GRIK2: variants seen among roughly 807,000 people sequenced by gnomAD.
GRIK2 encodes glutamate ionotropic receptor kainate type subunit 2.
A neutral mutation model predicts 100.3 loss-of-function variants in GRIK2; 32 were observed. The ratio of observed to expected loss-of-function variants is 0.32; its 90% CI spans 0.24 to 0.43. GRIK2 has a LOEUF of 0.43. GRIK2 is among the 20% of genes least tolerant of loss of function. The probability of loss-of-function intolerance (pLI) is 1.00; values close to 1 mark genes in which losing one functional copy is unlikely to be tolerated. For missense variants in GRIK2, 843 were observed against 1,114.9 expected, an observed-to-expected ratio of 0.76 and a Z score of 3.47; for synonymous variants, 417 against 389.4, an observed-to-expected ratio of 1.07 and a Z score of -0.83.
intron 12 of GRIK2, among the ~76,000 whole-genome samples, chr6:101,906,297 A>G: frequency 6.6e-6 from 1 of 151,344 alleles, no homozygotes; most frequent in Middle Eastern, 3.2e-3. Flanking sequence ...GGGAATTTGA[A>G]GGACTTTTGT....
chr6:101,715,859 C>G (rs1032546770), intron 7 of GRIK2, among the ~76,000 whole-genome samples: 4 of 151,802 alleles, frequency 2.6e-5, no homozygotes, highest in Non-Finnish European at 5.9e-5. Context: ...CAAGTCATCA[C>G]TGACCCTATA....
chr6:101,804,736 A>C (rs1189515853), intron 9 of GRIK2, among the ~76,000 whole-genome samples: 1 of 151,972 alleles, frequency 6.6e-6, no homozygotes, highest in Non-Finnish European at 1.5e-5. Flanking sequence ...GGGTGGAGGT[A>C]AGTTAAAGAG....
chr6:101,981,211 T>A (rs748278128), intron 14 of GRIK2, among the ~76,000 whole-genome samples: 2 of 151,914 alleles, frequency 1.3e-5, no homozygotes, highest in Non-Finnish European at 2.9e-5. Flanking sequence ...TATATTTATC[T>A]TTTTTGGGCA....
intron 7 of GRIK2, among the ~76,000 whole-genome samples, chr6:101,755,864 C>T (rs1326525755): frequency 1.3e-5 from 2 of 152,152 alleles, no homozygotes; most frequent in African/African-American, 4.8e-5. Context: ...TAGTGCATTT[C>T]ATCCTAGGAA....
At chr6:101,740,432 A>AG (rs1775949007) in intron 7 of GRIK2, among the ~76,000 whole-genome samples, 1 of 150,782 alleles carries the variant, frequency 6.6e-6, no homozygotes, top group South Asian at 2.1e-4. Flanking sequence ...TAAAAGGAAA[A>AG]GGGGGAGAGG....
intron 2 of GRIK2, among the ~76,000 whole-genome samples, chr6:101,556,321 A>AATTTTTTTTTTTTTTTTTT (rs1776735831): frequency 1.7e-5 from 1 of 59,396 alleles, no homozygotes; most frequent in Admixed American, 2.1e-4. Context: ...TATATTGGTA[A>AATTTTTTTTTTTTTTTTTT]TTTTTTTTTT....
At chr6:101,762,375 G>A (rs1310898176) in intron 7 of GRIK2, among the ~76,000 whole-genome samples, 1 of 151,754 alleles carries the variant, frequency 6.6e-6, no homozygotes, top group Non-Finnish European at 1.5e-5. Flanking sequence ...TAAAGACAGG[G>A]TCTTGCTATG....
chr6:101,434,040 G>A (rs79961815), intron 2 of GRIK2, among the ~76,000 whole-genome samples: 79 of 152,326 alleles, frequency 5.2e-4, no homozygotes, highest in African/African-American at 1.8e-3. Flanking sequence ...CCGCTGACAC[G>A]GGTATAGATG....
chr6:101,937,813 A>G (rs1187788513), intron 14 of GRIK2, among the ~76,000 whole-genome samples: 2 of 152,122 alleles, frequency 1.3e-5, no homozygotes, highest in Non-Finnish European at 2.9e-5. Context: ...GAGTATCAGC[A>G]AAGACATATT....
chr6:101,492,951 C>T (rs984280247), intron 2 of GRIK2, among the ~76,000 whole-genome samples: 9 of 151,584 alleles, frequency 5.9e-5, no homozygotes, highest in Non-Finnish European at 1.0e-4. Flanking sequence ...AGAAATAAAC[C>T]GGCAGGTTTG....
intron 7 of GRIK2, among the ~76,000 whole-genome samples, chr6:101,769,617 C>T (rs1035087141): frequency 3.9e-5 from 6 of 152,080 alleles, no homozygotes; most frequent in South Asian, 2.1e-4. Context: ...TAAGATTAAA[C>T]AAATTATGAG....
At chr6:101,660,423 C>A (rs1345354296) in intron 4 of GRIK2, among the ~76,000 whole-genome samples, 1 of 152,090 alleles carries the variant, frequency 6.6e-6, no homozygotes, top group Non-Finnish European at 1.5e-5. Context: ...AGAACATGCT[C>A]CTTTAGATCG....
intron 2 of GRIK2, among the ~76,000 whole-genome samples, chr6:101,463,424 C>G (rs978064772): frequency 1.3e-5 from 2 of 151,986 alleles, no homozygotes; most frequent in African/African-American, 4.8e-5. Context: ...TGTCTTGATG[C>G]TAGACATAAT....
intron 4 of GRIK2, among the ~76,000 whole-genome samples, chr6:101,636,045 T>G (rs760909070): frequency 6.6e-6 from 1 of 152,060 alleles, no homozygotes. Flanking sequence ...TAAAGACACA[T>G]GCACACGTAT....
chr6:101,829,464 C>G (rs543203594), intron 10 of GRIK2, among the ~76,000 whole-genome samples: 1 of 151,802 alleles, frequency 6.6e-6, no homozygotes, highest in African/African-American at 2.4e-5. Flanking sequence ...TATTTCTCTT[C>G]ACTGAATTTA....
At chr6:101,487,345 ACAAATGTGTG>A (rs1226885964) in intron 2 of GRIK2, among the ~76,000 whole-genome samples, 2 of 146,460 alleles carry the variant, frequency 1.4e-5, no homozygotes, top group Non-Finnish European at 3.0e-5. Flanking sequence ...CACCAGCCTT[ACAAATGTGTG>A]CAAATTTCTT....
chr6:101,460,480 C>G (rs897517320), intron 2 of GRIK2, among the ~76,000 whole-genome samples: 1 of 152,172 alleles, frequency 6.6e-6, no homozygotes, highest in African/African-American at 2.4e-5. Flanking sequence ...AGTTGAAAAT[C>G]TAATTTGTGG....
chr6:101,843,621 T>C (rs1237224235), intron 10 of GRIK2, among the ~76,000 whole-genome samples: 1 of 152,132 alleles, frequency 6.6e-6, no homozygotes, highest in African/African-American at 2.4e-5. Flanking sequence ...CGTTGGGCCC[T>C]GTACCACAGC....
At chr6:101,825,705 T>A (rs1214438231) in intron 10 of GRIK2, among the ~76,000 whole-genome samples, 3 of 152,106 alleles carry the variant, frequency 2.0e-5, no homozygotes, top group Non-Finnish European at 4.4e-5. Flanking sequence ...GGTTGAAGAC[T>A]ATTTTATTAT....
Sources: allele counts gnomAD v4.1 joint callset (sites outside exome capture counted in the v4.1 genomes callset), GRCh38; gene constraint gnomAD v4.1.1; transcripts MANE v1.5; gene names NCBI Gene and HGNC (gene_info 2026-07-23, HGNC 2026-07-21).